The following LMNA variants were observed in gnomAD, a reference collection of about 807,000 sequenced individuals.
LMNA encodes the protein lamin A/C, also known as lamin.
A neutral mutation model predicts 70.4 loss-of-function variants in LMNA; 20 were observed. The ratio of observed to expected loss-of-function variants is 0.28; its 90% CI spans 0.20 to 0.41. LMNA has a LOEUF of 0.41. LMNA is among the 10% of genes least tolerant of loss of function. The pLI is 1.00. For missense variants in LMNA, 652 were observed against 917.2 expected (o/e 0.71, Z 3.73); for synonymous variants, 339 against 372.8 (o/e 0.91, Z 1.04).
At chr1:156,129,186 G>A (rs907491161) in intron 1 of LMNA, among the ~76,000 whole-genome samples, 2 of 152,210 alleles carry the variant, frequency 1.3e-5, no homozygotes, top group Non-Finnish European at 2.9e-5. Context: ...TCTGAGGTGT[G>A]GCCAGAGGCC....
chr1:156,115,903 CCTCA>C lies in LMNA; in HGVS notation c.356+633_356+636del, dbSNP rs1401267132. 3.9e-5 allele frequency among the ~76,000 whole-genome samples: 6 copies of C among 152,230 alleles called. No homozygotes were observed. On this transcript the variant is annotated intron_variant, in intron 1 of 11. Coordinates refer to ENST00000368300, the MANE Select transcript of LMNA (RefSeq NM_170707.4). The surrounding 1 kb of genome is among the most constrained non-coding windows in gnomAD (Gnocchi z 5.8). ...GGGTTCTAAGGGTTGGGAAGTTCTC[CCTCA>C]CTCTGCCACTCTGCGTGTCTGGGAC...
intron 3 of LMNA, among the ~76,000 whole-genome samples, chr1:156,101,529 G>A (rs1649137054): frequency 6.6e-6 from 1 of 151,790 alleles, no homozygotes; most frequent in Non-Finnish European, 1.5e-5. Flanking sequence ...GGGAGGGAGG[G>A]AATCACTGTG....
At position 156,115,535 on chromosome 1, in the gene LMNA, T is replaced by C. The variant is rs1649769129; in HGVS notation, c.356+261T>C. 6.6e-6 allele frequency among the ~76,000 whole-genome samples: 1 copy of C among 150,658 alleles called. No individual in the cohort carries two copies. Among genetic ancestry groups the C allele is most frequent in the African/African-American group, 2.5e-5 (1 of 40,746 alleles). On this transcript the variant is annotated intron_variant, in intron 1 of 11. Coordinates refer to ENST00000368300, the MANE Select transcript of LMNA (RefSeq NM_170707.4). This position sits in a 1 kb window ranked among gnomAD's most constrained non-coding sequence, Gnocchi z 5.8. ...AATGGTGGGGGTATCAGGGACAAGT[T>C]GGGGCTGGGGCCGGCCTGAATTCGG...
intron 1 of LMNA, chr1:156,126,365 A>T (rs1650576148): frequency 4.1e-6 from 3 of 736,308 alleles, no homozygotes; most frequent in Non-Finnish European, 6.5e-6. Flanking sequence ...AGATTGGGAG[A>T]GGAAACGGAG....
rs1041994928 is a variant in LMNA, at chr1:156,115,837, A to G, written c.356+563A>G. Among the ~76,000 whole-genome samples the G allele has an allele frequency of 6.6e-6, 1 of 152,172 alleles. No individual in the cohort carries two copies. The highest frequency in any genetic ancestry group is 2.4e-5 in the African/African-American group (1 of 41,440). The stretch of plus-strand genomic sequence containing the variant: ...CAGGGCAATCCCCCTTTTCCCTCCC[A>G]AGGGCTTGGCGGTGGCCCCCCCTCA... On this transcript the variant is annotated intron_variant, in intron 1 of 11. Transcript: ENST00000368300. The surrounding 1 kb of genome is among the most constrained non-coding windows in gnomAD (Gnocchi z 5.8).
At chr1:156,116,271 A>G (rs1054475035) in intron 1 of LMNA, among the ~76,000 whole-genome samples, 2 of 152,172 alleles carry the variant, frequency 1.3e-5, no homozygotes, top group Non-Finnish European at 2.9e-5. Flanking sequence ...GTGCTGGAAT[A>G]CAGTGACATT....
chr1:156,089,183 G>T (rs1047822498), intron 2 of LMNA, among the ~76,000 whole-genome samples: 1 of 152,020 alleles, frequency 6.6e-6, no homozygotes, highest in Non-Finnish European at 1.5e-5. Context: ...TGCCATGTTG[G>T]CCAGGCTGGT....
chr1:156,087,831 G>A (rs1648538171), intron 2 of LMNA, among the ~76,000 whole-genome samples: 1 of 151,858 alleles, frequency 6.6e-6, no homozygotes, highest in Non-Finnish European at 1.5e-5. Flanking sequence ...GCGATTATAG[G>A]AATGAGCCAC....
chr1:156,122,384 A>C (rs1219792054), intron 1 of LMNA, among the ~76,000 whole-genome samples: 3 of 152,240 alleles, frequency 2.0e-5, no homozygotes, highest in Non-Finnish European at 4.4e-5. Context: ...CTTCTAAAAT[A>C]CCAAGTTATT....
chr1:156,134,816 G>C lies in LMNA; in HGVS notation c.651G>C (p.Glu217Asp). Residue 217 changes from glutamate to aspartate, a missense_variant, in exon 4 of 12, where the codon GAG becomes GAC. By Grantham distance (45) the Glu-to-Asp change is conservative. This residue lies in a region of LMNA where 254 missense variants were observed against 421.9 expected (regional missense o/e 0.60). Coordinates refer to ENST00000368300, the MANE Select transcript of LMNA (RefSeq NM_170707.4). The surrounding 1 kb of genome is among the most constrained non-coding windows in gnomAD (Gnocchi z 5.3). ...QKNIYSEELR[E>D]TKRRHETRLV... is the part of the protein sequence containing the mutation. ...TCCAACCCTTCCAGGAGCTGCGTGAGACCAAGCGCCGTCATGAGACCCGAC... is the reference window on the plus strand; with the variant it reads ...TCCAACCCTTCCAGGAGCTGCGTGACACCAAGCGCCGTCATGAGACCCGAC... 1 of 1,614,200 alleles carries C rather than the reference G, an allele frequency of 6.2e-7. No homozygotes were observed. The highest frequency in any genetic ancestry group is 8.5e-7 in the Non-Finnish European group (1 of 1,180,040).
At chr1:156,108,468 A>C (rs1038502147) in intron 3 of LMNA, among the ~76,000 whole-genome samples, 3 of 152,006 alleles carry the variant, frequency 2.0e-5, no homozygotes, top group Non-Finnish European at 2.9e-5. Context: ...AATTCAGGCA[A>C]ACTCGTATTA....
rs572430020 is a variant in LMNA, at chr1:156,101,774, TTGG to T, written c.-207+11198_-207+11200del. Reference sequence around the variant, plus strand: ...GCCGCTGCAGTTATCCAGGTGGGGGTTGGTGGTGAGCAGACCAGAGAGCTGGAG... The same window carrying T: ...GCCGCTGCAGTTATCCAGGTGGGGGTTGGTGAGCAGACCAGAGAGCTGGAG... On this transcript the variant is annotated intron_variant, in intron 3 of 12. Coordinates refer to the LMNA transcript ENST00000368301. 5.9e-5 allele frequency among the ~76,000 whole-genome samples: 9 copies of T among 151,282 alleles called. No homozygotes were observed. In the East Asian group the frequency reaches 1.7e-3, roughly 29 times the overall value.
intron 1 of LMNA, among the ~76,000 whole-genome samples, chr1:156,124,524 T>A (rs1023226198): frequency 1.3e-5 from 2 of 152,168 alleles, no homozygotes; most frequent in African/African-American, 4.8e-5. Flanking sequence ...CCTGACCTCG[T>A]GATCCACCCA....
upstream of LMNA, among the ~76,000 whole-genome samples, chr1:156,110,708 G>A (rs1649502886): frequency 6.6e-6 from 1 of 152,174 alleles, no homozygotes; most frequent in Non-Finnish European, 1.5e-5. Context: ...GGGTGCGGTG[G>A]CTCATGCCTG....
intron 3 of LMNA, among the ~76,000 whole-genome samples, chr1:156,093,176 C>T (rs1412934185): frequency 6.6e-6 from 1 of 152,024 alleles, no homozygotes; most frequent in Non-Finnish European, 1.5e-5. Flanking sequence ...AGGTGTGAGC[C>T]ACCACTCCCA....
chr1:156,114,042 T>C (rs1381251800), upstream of LMNA, among the ~76,000 whole-genome samples: 3 of 151,578 alleles, frequency 2.0e-5, no homozygotes, highest in African/African-American at 7.3e-5. Flanking sequence ...GAGAGATAGA[T>C]TGGGGCAAAA....
intron 1 of LMNA, among the ~76,000 whole-genome samples, chr1:156,122,472 C>T (rs1252036491): frequency 6.6e-6 from 1 of 152,206 alleles, no homozygotes; most frequent in African/African-American, 2.4e-5. Flanking sequence ...TTCCCACAAG[C>T]TGTGGAATTA....
chr1:156,114,225 G>A (rs144548687), upstream of LMNA, among the ~76,000 whole-genome samples: 243 of 152,296 alleles, frequency 1.6e-3, 1 homozygote, highest in African/African-American at 5.5e-3. Flanking sequence ...GTGTGGAGGG[G>A]GGTTGGGGTG....
At chr1:156,129,791 G>T in intron 1 of LMNA, 1 of 737,432 alleles carries the variant, frequency 1.4e-6, no homozygotes. Flanking sequence ...CTGTTCGACT[G>T]GTTATAGCTA....
Sources: gnomAD v4.1 joint callset for allele counts (sites outside exome capture counted in the v4.1 genomes callset) on GRCh38, gnomAD v4.1.1 for gene constraint, gnomAD v4.1.1 regional missense constraint, Gnocchi (gnomAD v3.1) non-coding constraint, MANE v1.5 for transcripts, NCBI Gene and HGNC (gene_info 2026-07-23, HGNC 2026-07-21) for gene names.